MSI2: variants seen among roughly 807,000 people sequenced by gnomAD.
MSI2 encodes musashi RNA binding protein 2.
In MSI2, 17 loss-of-function variants were observed where a neutral mutation model predicts 45.6. The observed-to-expected ratio is 0.37, with a 90% CI of 0.26 to 0.56. The LOEUF (loss-of-function observed/expected upper bound fraction) is 0.56. MSI2 is among the 20% of genes least tolerant of loss of function. The pLI is 0.77. For missense variants in MSI2, 293 were observed against 444.2 expected (o/e 0.66, Z 3.06); for synonymous variants, 156 against 158.2 (o/e 0.99, Z 0.11).
At chr17:57,672,639 T>A (rs1354119923) in intron 11 of MSI2, among the ~76,000 whole-genome samples, 1 of 152,224 alleles carries the variant, frequency 6.6e-6, no homozygotes, top group African/African-American at 2.4e-5. Flanking sequence ...CAAAAAACTT[T>A]CCGTCTACCA....
intron 8 of MSI2, among the ~76,000 whole-genome samples, chr17:57,610,426 T>A (rs184487465): frequency 1.3e-5 from 2 of 151,880 alleles, no homozygotes; most frequent in Non-Finnish European, 2.9e-5. Context: ...CACTCCAGCC[T>A]GAGCGACACA....
chr17:57,567,574 AAC>A (rs1298135471), intron 7 of MSI2, among the ~76,000 whole-genome samples: 23 of 152,246 alleles, frequency 1.5e-4, no homozygotes, highest in African/African-American at 5.1e-4. Context: ...CAGCTGCCTT[AAC>A]CGGCAGTTAA....
intron 10 of MSI2, among the ~76,000 whole-genome samples, chr17:57,643,043 T>C (rs1419401728): frequency 6.6e-6 from 1 of 152,160 alleles, no homozygotes; most frequent in African/African-American, 2.4e-5. Context: ...CAGGAGAGCT[T>C]TGGCAGTTTC....
intron 6 of MSI2, among the ~76,000 whole-genome samples, chr17:57,486,649 A>G (rs75430531): frequency 0.048 from 7,241 of 152,238 alleles, 427 homozygotes; most frequent in African/African-American, 0.14. Context: ...TTCTGGGTAG[A>G]CTGCCTTTTA....
chr17:57,425,506 A>T (rs528059330), intron 6 of MSI2, among the ~76,000 whole-genome samples: 2 of 152,298 alleles, frequency 1.3e-5, no homozygotes, highest in East Asian at 3.9e-4. Flanking sequence ...GGTGTTTGCC[A>T]GATGGCCTTT....
chr17:57,652,870 C>T lies in MSI2; in HGVS notation c.790+709C>T, dbSNP rs1451891496. ...GCATTATCATGGGGTCAGGCCAGAG[C>T]TGGGATATGTCCAGGGTGCCCGGGG... is the stretch of plus-strand genomic sequence containing the variant. On this transcript the variant is annotated intron_variant, in intron 11 of 13. Transcript: ENST00000284073. The surrounding 1 kb of genome is among the most constrained non-coding windows in gnomAD (Gnocchi z 4.1). Among the ~76,000 whole-genome samples the T allele has an allele frequency of 1.3e-5, 2 of 152,228 alleles. No individual in the cohort carries two copies.
intron 7 of MSI2, among the ~76,000 whole-genome samples, chr17:57,574,347 T>C (rs942122134): frequency 6.6e-6 from 1 of 152,254 alleles, no homozygotes; most frequent in African/African-American, 2.4e-5. Context: ...ATACCTCTGG[T>C]TGGCAGAAAA....
intron 6 of MSI2, among the ~76,000 whole-genome samples, chr17:57,424,645 C>T (rs959551221): frequency 6.6e-6 from 1 of 152,166 alleles, no homozygotes; most frequent in Admixed American, 6.5e-5. Context: ...CTGGACATCT[C>T]CTGATGCTTC....
chr17:57,391,249 A>G (rs1193675578), intron 5 of MSI2, among the ~76,000 whole-genome samples: 2 of 152,154 alleles, frequency 1.3e-5, no homozygotes, highest in Non-Finnish European at 2.9e-5. Flanking sequence ...GCTGGGAGAA[A>G]GGTTGCGCTG....
At chr17:57,434,954 T>C (rs1453895774) in intron 6 of MSI2, among the ~76,000 whole-genome samples, 2 of 152,186 alleles carry the variant, frequency 1.3e-5, no homozygotes, top group Non-Finnish European at 2.9e-5. Context: ...ACTCTCACTT[T>C]CATGAAACAT....
At chr17:57,474,449 C>T (rs1001034602) in intron 6 of MSI2, among the ~76,000 whole-genome samples, 6 of 152,132 alleles carry the variant, frequency 3.9e-5, no homozygotes, top group African/African-American at 9.7e-5. Flanking sequence ...GATTCTTTGT[C>T]GTGGGCACTG....
At chr17:57,631,539 C>T in intron 10 of MSI2, 3 of 482,180 alleles carry the variant, frequency 6.2e-6, no homozygotes, top group Non-Finnish European at 1.1e-5. Flanking sequence ...CTAGAGAAGG[C>T]TAGACACTGG....
At chr17:57,434,559 A>G (rs11654041) in intron 6 of MSI2, among the ~76,000 whole-genome samples, 33,903 of 151,732 alleles carry the variant, frequency 0.22, 4,096 homozygotes, top group South Asian at 0.3. Context: ...CTCCTTCCCC[A>G]TGCACCCCCA....
chr17:57,466,235 C>T (rs770004440), intron 6 of MSI2, among the ~76,000 whole-genome samples: 1 of 152,196 alleles, frequency 6.6e-6, no homozygotes, highest in Non-Finnish European at 1.5e-5. Context: ...AATTTCTCCC[C>T]ACTGGCCTTT....
chr17:57,464,056 C>G (rs1302170821), intron 6 of MSI2, among the ~76,000 whole-genome samples: 1 of 150,520 alleles, frequency 6.6e-6, no homozygotes, highest in Admixed American at 6.6e-5. Context: ...AGAATATTTT[C>G]TGGACTCACA....
chr17:57,312,109 C>A (rs1271067224), intron 5 of MSI2, among the ~76,000 whole-genome samples: 1 of 152,188 alleles, frequency 6.6e-6, no homozygotes, highest in African/African-American at 2.4e-5. Flanking sequence ...AGCAGCCGAG[C>A]CATCAACCAG....
At chr17:57,322,450 T>C (rs975688275) in intron 5 of MSI2, among the ~76,000 whole-genome samples, 4 of 152,114 alleles carry the variant, frequency 2.6e-5, no homozygotes, top group East Asian at 1.9e-4. Flanking sequence ...TCAATGACAA[T>C]GGAAACTATT....
intron 8 of MSI2, among the ~76,000 whole-genome samples, chr17:57,613,875 A>G (rs1907413439): frequency 6.6e-6 from 1 of 152,180 alleles, no homozygotes; most frequent in African/African-American, 2.4e-5. Flanking sequence ...TATTCTTGAA[A>G]GAGCAAGAGT....
chr17:57,398,208 A>G (rs2083925013), intron 5 of MSI2, among the ~76,000 whole-genome samples: 1 of 152,152 alleles, frequency 6.6e-6, no homozygotes, highest in Non-Finnish European at 1.5e-5. Flanking sequence ...TTGTTTGTTG[A>G]ATTCTCTGGG....
Sources: gnomAD v4.1 joint callset for allele counts (sites outside exome capture counted in the v4.1 genomes callset) on GRCh38, gnomAD v4.1.1 for gene constraint, Gnocchi (gnomAD v3.1) non-coding constraint, MANE v1.5 for transcripts, NCBI Gene and HGNC (gene_info 2026-07-23, HGNC 2026-07-21) for gene names.